The following CROCC variants were observed in gnomAD, a reference collection of about 807,000 sequenced individuals.
The protein encoded by CROCC is rootletin.
Under a neutral mutation model 245.2 loss-of-function variants are expected in CROCC, and 180 were observed. That is an observed-to-expected ratio of 0.73 (90% CI 0.65 to 0.83). The LOEUF is 0.83. CROCC is among the 40% of genes least tolerant of loss of function. The probability of loss-of-function intolerance (pLI) is 0.00; values close to 1 mark genes in which losing one functional copy is unlikely to be tolerated. For missense variants in CROCC, 2,688 were observed against 2,779.4 expected, an observed-to-expected ratio of 0.97 and a Z score of 0.74; for synonymous variants, 1,205 against 1,241.6, an observed-to-expected ratio of 0.97 and a Z score of 0.62.
intron 33 of CROCC, 36 bp from the exon 34 acceptor site, chr1:16,970,217 C>G: frequency 6.6e-7 from 1 of 1,515,776 alleles, no homozygotes; most frequent in Non-Finnish European, 8.9e-7. Context: ...TGCTCAGGCC[C>G]AGAGGGATTC....
Position 16,944,216 on chromosome 1 carries a change from G to A in CROCC, c.1925G>A (p.Arg642Gln), listed in dbSNP as rs576852703. ...GAGGAGCTGCGGCGCCAGCGGGACC[G>A]GCTGGAGGAAGAGCAGGAGGACGCA... ...AQEELRRQRD[R>Q]LEEEQEDAVQ... Residue 642 changes from arginine to glutamine, a missense_variant, in exon 14 of 37, where the codon CGG (arginine) becomes CAG (glutamine). This residue lies in a region of CROCC where 972 missense variants were observed against 895.3 expected (regional missense o/e 1.09). Transcript: ENST00000375541. The A allele has an allele frequency of 1.9e-5, 29 of 1,555,064 alleles. No homozygotes were observed. The highest frequency in any genetic ancestry group is 4.1e-5 in the African/African-American group (3 of 73,640).
intron 13 of CROCC, among the ~76,000 whole-genome samples, 197 bp downstream of exon 13, chr1:16,940,290 C>A (rs1406003198): frequency 6.6e-6 from 1 of 152,262 alleles, no homozygotes; most frequent in South Asian, 2.1e-4. Flanking sequence ...GTGGCGCGAT[C>A]TCGGCTCACT....
chr1:16,956,084 G>A lies in CROCC; in HGVS notation c.3792G>A (p.Leu1264=), dbSNP rs537677371. ...RTAVGKEAGE[L]RTGLQEVERS... ...CTGTGGGCAAGGAGGCCGGGGAGCT[G>A]CGAACTGGGCTGCAGGAGGTGGAGC... The change falls in exon 25 of 37, where the codon CTG becomes CTA. Residue 1264 remains leucine (L), a synonymous_variant. Coordinates refer to ENST00000375541, the MANE Select transcript of CROCC (RefSeq NM_014675.5). 1.1e-5 allele frequency: 17 copies of A among 1,551,008 alleles called. No homozygotes were observed. The highest frequency in any genetic ancestry group is 1.7e-4 in the Middle Eastern group (1 of 5,986).
At chr1:16,922,139 T>G in intron 1 of CROCC, 61 bp downstream of exon 1, 3 of 1,414,548 alleles carry the variant, frequency 2.1e-6, no homozygotes, top group Non-Finnish European at 2.9e-6. Flanking sequence ...TTAACAGGAG[T>G]GGTGAGAGGT....
intron 13 of CROCC, chr1:16,940,840 C>A: frequency 2.5e-6 from 1 of 392,208 alleles, no homozygotes; most frequent in South Asian, 1.9e-5. Context: ...GATCCTCCCA[C>A]CTCTACCTCC....
At chr1:16,969,961 T>TC (rs747463400) in intron 33 of CROCC, 27 bp downstream of exon 33, 41 of 1,548,358 alleles carry the variant, frequency 2.6e-5, no homozygotes, top group Non-Finnish European at 3.6e-5. Context: ...GCCCCCTCTG[T>TC]CCCCAAGACT....
At chr1:16,916,376 T>C (rs1289560396) in intron 1 of CROCC, among the ~76,000 whole-genome samples, 2 of 152,222 alleles carry the variant, frequency 1.3e-5, no homozygotes, top group African/African-American at 4.8e-5. Flanking sequence ...GGTGAGGGGA[T>C]GAGCAGGGAA....
Position 16,968,396 on chromosome 1 carries a change from G to C in CROCC, c.5054G>C (p.Arg1685Pro). Residue 1685 changes from arginine to proline, a missense_variant, in exon 31 of 37, where the codon CGG becomes CCG. Physicochemically the swap from Arg to Pro is moderately radical, Grantham distance 103 (BLOSUM62 -2). Around this residue, in one of 9 missense-constraint regions of CROCC, gnomAD observed 1,218 missense variants for 1,286.3 expected, o/e 0.95. Transcript: ENST00000375541. ...REAQAQALQD[R>P]VDSLQRQVAD... Reference sequence around the variant, plus strand: ...GCCCAAGCCCAGGCCCTCCAGGATCGGGTGGATTCCCTGCAGAGACAGGTG... The same window carrying C: ...GCCCAAGCCCAGGCCCTCCAGGATCCGGTGGATTCCCTGCAGAGACAGGTG... 2 of 1,497,024 alleles carry C rather than the reference G, an allele frequency of 1.3e-6. No individual in the cohort carries two copies. Among genetic ancestry groups the C allele is most frequent in the East Asian group, 4.9e-5 (2 of 40,416 alleles). The allele number at this position is 1,497,024 out of a possible 1,614,324, so 92.7% of individuals were successfully genotyped here. A position where few individuals can be genotyped will look rare whatever the true frequency, so the allele number is the denominator to read the frequency against.
chr1:16,969,434 A>G (rs2076475793), intron 32 of CROCC, 94 bp downstream of exon 32: 4 of 1,253,290 alleles, frequency 3.2e-6, no homozygotes, highest in Admixed American at 2.3e-5. Flanking sequence ...GAGCCAGCCA[A>G]TGGGGCAGTC....
intron 11 of CROCC, 103 bp from the exon 12 acceptor site, chr1:16,938,806 T>C (rs1306334822): frequency 1.7e-6 from 2 of 1,169,492 alleles, no homozygotes; most frequent in African/African-American, 3.0e-5. Flanking sequence ...AGAGGCAGCA[T>C]TTGGAATGAG....
At chr1:16,941,462 C>G (rs2075930534) in intron 13 of CROCC, 3 of 152,434 alleles carry the variant, frequency 2.0e-5, no homozygotes, top group Admixed American at 2.0e-4. Context: ...GGCCCGGTGG[C>G]TCACACCTGT....
In CROCC at chr1:16,968,280, C is replaced by T. The variant is rs2076452297; in HGVS notation, c.4938C>T (p.Ala1646=). Reference sequence around the variant, plus strand: ...GGCGCCTGAAGGAGGTTCTGGACGCCTCCGAGAGCCGCACTGTCAAGCTGG... The same window carrying T: ...GGCGCCTGAAGGAGGTTCTGGACGCTTCCGAGAGCCGCACTGTCAAGCTGG... ...DKRRLKEVLD[A]SESRTVKLEL... The change falls in exon 31 of 37, where the codon GCC becomes GCT. Residue 1646 remains alanine, a synonymous_variant. Coordinates refer to ENST00000375541, the MANE Select transcript of CROCC (RefSeq NM_014675.5). 3.2e-6 allele frequency: 5 copies of T among 1,557,396 alleles called. No homozygotes were observed. In the East Asian group the frequency reaches 7.2e-5, roughly 22 times the overall value.
At chr1:16,916,706 T>C (rs2075308945) in intron 1 of CROCC, among the ~76,000 whole-genome samples, 1 of 152,252 alleles carries the variant, frequency 6.6e-6, no homozygotes, top group Admixed American at 6.5e-5. Flanking sequence ...AGAGATGGAG[T>C]CTCACTGTGT....
In CROCC at chr1:16,939,888, C is replaced by T; in HGVS notation, c.1609-6C>T. On this transcript the variant is annotated splice_polypyrimidine_tract_variant and splice_region_variant and intron_variant, in intron 12 of 36. Coordinates refer to ENST00000375541, the MANE Select transcript of CROCC (RefSeq NM_014675.5). Reference sequence around the variant, plus strand: ...CCCCCAGACTCTGTGACCCCCCACACCCCAGGACATGCGTGGGCGCTATGA... The same window carrying T: ...CCCCCAGACTCTGTGACCCCCCACATCCCAGGACATGCGTGGGCGCTATGA... 6.2e-7 allele frequency: 1 copy of T among 1,611,662 alleles called. No individual in the cohort carries two copies. Among genetic ancestry groups the T allele is most frequent in the Non-Finnish European group, 8.5e-7 (1 of 1,179,688 alleles).
At chr1:16,914,678 C>A (rs2075284669) in intron 1 of CROCC, among the ~76,000 whole-genome samples, 1 of 152,292 alleles carries the variant, frequency 6.6e-6, no homozygotes, top group South Asian at 2.1e-4. Context: ...GGCCCTGCAC[C>A]CCTTGCGCCT....
intron 23 of CROCC, 60 bp from the exon 24 acceptor site, chr1:16,955,252 G>C: frequency 6.5e-7 from 1 of 1,534,138 alleles, no homozygotes; most frequent in African/African-American, 1.4e-5. Flanking sequence ...TGGGGTACAA[G>C]ACCCAGCTTG....
Position 16,955,472 on chromosome 1 carries a change from C to A in CROCC, c.3626C>A (p.Ala1209Asp), listed in dbSNP as rs1319672185. The part of the protein sequence containing the change: ...GELRRSLGEG[A>D]KEREALRRSN... ...CTGCGACGCAGCCTGGGCGAGGGTG[C>A]CAAGGAGCGCGAGGCCCTGCGGCGT... The change falls in exon 24 of 37, where the codon GCC (alanine) becomes GAC (aspartate). Residue 1209 changes from alanine to aspartate, a missense_variant. This residue lies in a region of CROCC where 1,218 missense variants were observed against 1,286.3 expected (regional missense o/e 0.95). Transcript: ENST00000375541. The A allele has an allele frequency of 3.1e-6, 5 of 1,587,530 alleles. No homozygotes were observed. The African/African-American group carries it at 6.7e-5, about 21-fold the overall frequency.
intron 27 of CROCC, 45 bp downstream of exon 27, chr1:16,961,175 C>A: frequency 1.6e-6 from 2 of 1,277,548 alleles, no homozygotes; most frequent in South Asian, 4.6e-5. Context: ...GTGGGCGGGC[C>A]GCACTGAGGC....
intron 12 of CROCC, 72 bp downstream of exon 12, chr1:16,939,214 G>GCGGGGC: frequency 7.9e-7 from 1 of 1,265,894 alleles, no homozygotes; most frequent in Non-Finnish European, 1.0e-6. Flanking sequence ...CCGGGTGGGG[G>GCGGGGC]CGGGGGCGGG....
Sources: allele counts gnomAD v4.1 joint callset (sites outside exome capture counted in the v4.1 genomes callset), GRCh38; gene constraint gnomAD v4.1.1; regional missense constraint gnomAD v4.1.1; transcripts MANE v1.5; gene names NCBI Gene and HGNC (gene_info 2026-07-23, HGNC 2026-07-21).